The following SPMIP2 variants were observed in gnomAD, a reference collection of about 807,000 sequenced individuals.
SPMIP2 encodes protein SPMIP2.
At chr4:158,910,849 A>ATTT in the SPMIP2 span, among the ~76,000 whole-genome samples, 1 of 152,122 alleles carries the variant, frequency 6.6e-6, no homozygotes, top group African/African-American at 2.4e-5. Flanking sequence ...AACTCCTAAA[A>ATTT]ATAAACACCC....
chr4:159,016,648 T>C, the SPMIP2 span, among the ~76,000 whole-genome samples: 1 of 152,246 alleles, frequency 6.6e-6, no homozygotes, highest in Non-Finnish European at 1.5e-5. Context: ...CCCTTGTGGT[T>C]GCAGCCTAGC....
the SPMIP2 span, among the ~76,000 whole-genome samples, chr4:158,976,740 T>C: frequency 7.1e-6 from 1 of 141,746 alleles, no homozygotes; most frequent in Admixed American, 7.6e-5. Flanking sequence ...CAGCTCAATG[T>C]AACCTCCATT....
At chr4:158,976,181 T>C in the SPMIP2 span, among the ~76,000 whole-genome samples, 1 of 152,320 alleles carries the variant, frequency 6.6e-6, no homozygotes, top group South Asian at 2.1e-4. Flanking sequence ...CTTAAGGAGA[T>C]TTTGGGCTGA....
chr4:159,002,471 A>G, the SPMIP2 span, among the ~76,000 whole-genome samples: 1 of 152,202 alleles, frequency 6.6e-6, no homozygotes, highest in Non-Finnish European at 1.5e-5. Context: ...TATGTTGCCC[A>G]GGTTGGTCTC....
chr4:158,923,486 A>G, the SPMIP2 span, among the ~76,000 whole-genome samples: 1 of 152,164 alleles, frequency 6.6e-6, no homozygotes, highest in African/African-American at 2.4e-5. Flanking sequence ...TTCTTTTGAT[A>G]TTATAAATGA....
chr4:158,897,313 T>C, the SPMIP2 span, among the ~76,000 whole-genome samples: 1 of 152,238 alleles, frequency 6.6e-6, no homozygotes, highest in Non-Finnish European at 1.5e-5. Flanking sequence ...CATGTGCGTG[T>C]GTCTTTATAG....
the SPMIP2 span, among the ~76,000 whole-genome samples, chr4:158,927,820 C>T: frequency 6.6e-5 from 10 of 152,050 alleles, no homozygotes; most frequent in African/African-American, 1.9e-4. Flanking sequence ...CTGCTGGCCC[C>T]GGGCAATGAG....
At chr4:159,011,326 A>T in the SPMIP2 span, among the ~76,000 whole-genome samples, 8 of 152,248 alleles carry the variant, frequency 5.3e-5, no homozygotes, top group Non-Finnish European at 7.3e-5. Flanking sequence ...AAAGAATAGT[A>T]TAGAGTAATT....
chr4:159,009,059 C>T, the SPMIP2 span, among the ~76,000 whole-genome samples: 5 of 152,172 alleles, frequency 3.3e-5, no homozygotes, highest in Non-Finnish European at 2.9e-5. Flanking sequence ...ATAAACATTT[C>T]CAACATGGTC....
At chr4:158,896,403 G>A in the SPMIP2 span, among the ~76,000 whole-genome samples, 3 of 152,232 alleles carry the variant, frequency 2.0e-5, no homozygotes, top group South Asian at 6.2e-4. Context: ...ATCCTCCAGA[G>A]GGTATTTGCT....
chr4:158,949,434 G>C, the SPMIP2 span, among the ~76,000 whole-genome samples: 4 of 152,208 alleles, frequency 2.6e-5, no homozygotes, highest in African/African-American at 9.6e-5. Flanking sequence ...CAGTGGAGTA[G>C]ATTCTGTTAT....
chr4:159,066,591 A>T, the SPMIP2 span, among the ~76,000 whole-genome samples: 4 of 16,546 alleles, frequency 2.4e-4, no homozygotes, highest in East Asian at 4.2e-3. Context: ...TGTGTATTTT[A>T]TATATATATA....
At chr4:159,016,855 T>C in the SPMIP2 span, among the ~76,000 whole-genome samples, 4 of 152,204 alleles carry the variant, frequency 2.6e-5, no homozygotes, top group South Asian at 4.1e-4. Flanking sequence ...AATGCATCTG[T>C]AACACTTTTA....
At chr4:159,030,788 C>T in the SPMIP2 span, among the ~76,000 whole-genome samples, 18 of 152,240 alleles carry the variant, frequency 1.2e-4, no homozygotes, top group Middle Eastern at 3.4e-3. Context: ...TGAGCCACCA[C>T]GTCCAGCCAA....
At chr4:159,002,859 G>T in the SPMIP2 span, among the ~76,000 whole-genome samples, 1 of 151,978 alleles carries the variant, frequency 6.6e-6, no homozygotes, top group Non-Finnish European at 1.5e-5. Flanking sequence ...AGTCAGAAAA[G>T]TTTGAAAGGC....
the SPMIP2 span, among the ~76,000 whole-genome samples, chr4:158,988,394 A>C: frequency 6.6e-6 from 1 of 152,208 alleles, no homozygotes; most frequent in Non-Finnish European, 1.5e-5. Context: ...TCATTTTATG[A>C]GGCCAGCATC....
At chr4:158,997,565 C>G in the SPMIP2 span, among the ~76,000 whole-genome samples, 1 of 152,116 alleles carries the variant, frequency 6.6e-6, no homozygotes, top group Non-Finnish European at 1.5e-5. Flanking sequence ...GAAATGAAGG[C>G]AAGCCAGGGG....
the SPMIP2 span, among the ~76,000 whole-genome samples, chr4:159,055,333 AC>A: frequency 2.6e-5 from 4 of 152,312 alleles, no homozygotes; most frequent in East Asian, 7.7e-4. Context: ...GTCATGGGAA[AC>A]TGAACCATAT....
the SPMIP2 span, among the ~76,000 whole-genome samples, chr4:158,943,555 A>G: frequency 1.3e-5 from 2 of 152,190 alleles, no homozygotes; most frequent in East Asian, 1.9e-4. Context: ...AAAATTTGTT[A>G]TATATCTTTT....
Sources: gnomAD v4.1 joint callset for allele counts (sites outside exome capture counted in the v4.1 genomes callset) on GRCh38, gnomAD v4.1.1 for gene constraint, MANE v1.5 for transcripts, NCBI Gene and HGNC (gene_info 2026-07-23, HGNC 2026-07-21) for gene names.